Variants in MYH10 observed in about 807,000 individuals in gnomAD.
The protein encoded by MYH10 is myosin-10.
A neutral mutation model predicts 257.8 loss-of-function variants in MYH10; 55 were observed. The observed-to-expected ratio is 0.21, with a 90% CI of 0.17 to 0.27. The LOEUF is 0.27. Ranked by LOEUF, MYH10 falls within the 10% of genes least tolerant of loss-of-function variation. The pLI is 1.00. For missense variants in MYH10, 1,631 were observed against 2,500.6 expected, an observed-to-expected ratio of 0.65 and a Z score of 7.42; for synonymous variants, 854 against 921.7, an observed-to-expected ratio of 0.93 and a Z score of 1.33.
At chr17:8,548,487 TA>T in intron 10 of MYH10, 79 bp from the exon 11 acceptor site, 1 of 1,402,680 alleles carries the variant, frequency 7.1e-7, no homozygotes, top group Non-Finnish European at 9.7e-7. Context: ...TATTTTGTGC[TA>T]AAAATTAGCT....
chr17:8,617,494 A>T (rs1339529386), intron 2 of MYH10, among the ~76,000 whole-genome samples: 1 of 152,134 alleles, frequency 6.6e-6, no homozygotes, highest in African/African-American at 2.4e-5. Context: ...AAACTCTCAA[A>T]TACCTCGTTT....
At chr17:8,572,121 T>C (rs2083364517) in intron 6 of MYH10, among the ~76,000 whole-genome samples, 1 of 152,208 alleles carries the variant, frequency 6.6e-6, no homozygotes, top group African/African-American at 2.4e-5. Flanking sequence ...AGAGTTTTCC[T>C]AACTTGGAGG....
chr17:8,539,724 A>T (rs983845061), intron 14 of MYH10, among the ~76,000 whole-genome samples: 4 of 152,032 alleles, frequency 2.6e-5, no homozygotes, highest in Non-Finnish European at 4.4e-5. Context: ...AGTAGCTGGT[A>T]CTACAGGCAC....
At chr17:8,561,353 C>T (rs976426004) in intron 7 of MYH10, 18 of 1,160,522 alleles carry the variant, frequency 1.6e-5, no homozygotes, top group African/African-American at 1.0e-4. Context: ...ATTCGTCATT[C>T]GAAACACAGT....
At chr17:8,518,007 C>T in intron 21 of MYH10, among the ~76,000 whole-genome samples, 1 of 140,158 alleles carries the variant, frequency 7.1e-6, no homozygotes, top group East Asian at 2.2e-4. Flanking sequence ...TGAAGCAGGA[C>T]CCCATACCCC....
In MYH10 at chr17:8,492,758, G is replaced by C. The variant is rs184878556; in HGVS notation, c.4458+18C>G. On this transcript the variant is annotated intron_variant, in intron 33 of 42. Transcript: ENST00000360416. ...AGCAAGAGCTCTGCCAGGAGGAAAC[G>C]ACACGTGGCCGACCCACCTGGTCAA... is the stretch of plus-strand genomic sequence containing the variant. 8.2e-5 allele frequency: 132 copies of C among 1,608,876 alleles called. 1 individual carries two copies. In the African/African-American group the frequency reaches 1.5e-3, roughly 18 times the overall value.
chr17:8,542,257 G>A lies in MYH10; in HGVS notation c.1455C>T (p.Cys485=). Residue 485 remains cysteine (C), a synonymous_variant, in exon 14 of 43, where the codon TGC becomes TGT. Coordinates refer to ENST00000360416, the MANE Select transcript of MYH10 (RefSeq NM_001256012.3). ...IFELNSFEQL[C]INYTNEKLQQ... is the part of the protein sequence containing the mutation. ...GCAGCTTCTCATTGGTGTAGTTGAT[G>A]CAAAGTTGTTCAAAGGAGTTCAGCT... is the stretch of plus-strand genomic sequence containing the variant. 2 of 1,613,918 alleles carry A rather than the reference G, an allele frequency of 1.2e-6. No individual in the cohort carries two copies. Among genetic ancestry groups the A allele is most frequent in the Non-Finnish European group, 8.5e-7 (1 of 1,179,944 alleles).
Position 8,475,685 on chromosome 17 carries a change from A to G in MYH10, c.*119T>C. On this transcript the variant is annotated 3_prime_UTR_variant, in exon 43 of 43. Transcript: ENST00000360416. Reference sequence around the variant, plus strand: ...AGTATGCATAGGCTGGAGAGCCTTAAGACACAGTTGATCTTTCAGGAAGGA... The same window carrying G: ...AGTATGCATAGGCTGGAGAGCCTTAGGACACAGTTGATCTTTCAGGAAGGA... The G allele has an allele frequency of 8.0e-7, 1 of 1,245,662 alleles. No individual in the cohort carries two copies. Among genetic ancestry groups the G allele is most frequent in the Non-Finnish European group, 1.1e-6 (1 of 884,456 alleles). The allele number at this position is 1,245,662 out of a possible 1,614,324, so 77.2% of individuals were successfully genotyped here. A position where few individuals can be genotyped will look rare whatever the true frequency, so the allele number is the denominator to read the frequency against.
In MYH10 at chr17:8,535,141, G is replaced by A. The variant is rs1050173111; in HGVS notation, c.1894+246C>T. 3.9e-5 allele frequency among the ~76,000 whole-genome samples: 6 copies of A among 152,108 alleles called. No individual in the cohort carries two copies. The highest frequency in any genetic ancestry group is 9.7e-5 in the African/African-American group (4 of 41,402). On this transcript the variant is annotated intron_variant, in intron 16 of 42. Transcript: ENST00000360416. This position sits in a 1 kb window ranked among gnomAD's most constrained non-coding sequence, Gnocchi z 4.3. Reference sequence around the variant, plus strand: ...CATACGTGTACGTCTTTGTGGCTCCGGGCCTAGAATGTTTCTGTACTCCTA... The same window carrying A: ...CATACGTGTACGTCTTTGTGGCTCCAGGCCTAGAATGTTTCTGTACTCCTA...
chr17:8,604,699 A>C, intron 3 of MYH10, 127 bp downstream of exon 3: 1 of 666,300 alleles, frequency 1.5e-6, no homozygotes, highest in African/African-American at 1.9e-5. Flanking sequence ...TTCTACAATA[A>C]ACATTACTTT....
chr17:8,522,090 T>G (rs2151905546), intron 17 of MYH10, among the ~76,000 whole-genome samples: 1 of 152,340 alleles, frequency 6.6e-6, no homozygotes, highest in African/African-American at 2.4e-5. Context: ...ATTTGGTGCA[T>G]AATGTACATA....
intron 2 of MYH10, among the ~76,000 whole-genome samples, 178 bp downstream of exon 2, chr17:8,622,724 A>T (rs898741576): frequency 2.0e-5 from 3 of 152,216 alleles, no homozygotes; most frequent in Admixed American, 2.0e-4. Flanking sequence ...ATGTGTTAAG[A>T]TTCAAAGAAA....
intron 2 of MYH10, among the ~76,000 whole-genome samples, chr17:8,621,062 C>G (rs1394680944): frequency 6.6e-6 from 1 of 152,206 alleles, no homozygotes; most frequent in Non-Finnish European, 1.5e-5. Context: ...CATTCCTTTT[C>G]TACTTAGCAC....
At chr17:8,609,462 T>A (rs1178865485) in intron 2 of MYH10, among the ~76,000 whole-genome samples, 2 of 152,088 alleles carry the variant, frequency 1.3e-5, no homozygotes, top group Non-Finnish European at 2.9e-5. Context: ...AGATCATCAT[T>A]CAGAGGATTC....
At chr17:8,562,865 A>C (rs977262934) in intron 7 of MYH10, among the ~76,000 whole-genome samples, 2 of 152,236 alleles carry the variant, frequency 1.3e-5, no homozygotes, top group Admixed American at 6.5e-5. Flanking sequence ...CCTGAAGAAA[A>C]TAAAATGAAA....
intron 9 of MYH10, among the ~76,000 whole-genome samples, chr17:8,550,287 G>A (rs1051454579): frequency 5.3e-5 from 8 of 151,548 alleles, no homozygotes; most frequent in African/African-American, 1.5e-4. Context: ...AGTGAGGAGC[G>A]TCTCTGCCCG....
At chr17:8,580,800 T>C (rs568111581) in intron 4 of MYH10, among the ~76,000 whole-genome samples, 4 of 152,298 alleles carry the variant, frequency 2.6e-5, no homozygotes, top group East Asian at 1.9e-4. Context: ...AGTGTGTCAA[T>C]AGAGTCCATG....
Position 8,577,760 on chromosome 17 carries a change from G to A in MYH10, c.531-422C>T, listed in dbSNP as rs978634893. 4.6e-5 allele frequency among the ~76,000 whole-genome samples: 7 copies of A among 152,114 alleles called. No individual in the cohort carries two copies. The East Asian group carries it at 1.4e-3, about 29-fold the overall frequency. On this transcript the variant is annotated intron_variant, in intron 4 of 42. Transcript: ENST00000360416. ...TTGGCCAGGCTGGTCTCGAACTCCT[G>A]GCCTCAAGTGATCTGCTCACCTTGG...
At chr17:8,536,476 C>T (rs2082140331) in intron 14 of MYH10, among the ~76,000 whole-genome samples, 1 of 151,968 alleles carries the variant, frequency 6.6e-6, no homozygotes, top group African/African-American at 2.4e-5. Context: ...TCATCAATTG[C>T]CTTATATATT....
Sources: allele counts gnomAD v4.1 joint callset (sites outside exome capture counted in the v4.1 genomes callset), GRCh38; gene constraint gnomAD v4.1.1; non-coding constraint Gnocchi (gnomAD v3.1); transcripts MANE v1.5; gene names NCBI Gene and HGNC (gene_info 2026-07-23, HGNC 2026-07-21).